Variants in KCNMA1 observed in about 807,000 individuals in gnomAD.
KCNMA1 encodes the protein Calcium-activated potassium channel subunit alpha-1.
Under a neutral mutation model 140.0 loss-of-function variants are expected in KCNMA1, and 29 were observed. The observed-to-expected ratio is 0.21, with a 90% CI of 0.15 to 0.28. KCNMA1 has a LOEUF of 0.28. Among genes scored for constraint, KCNMA1 ranks in the 10% least tolerant of loss-of-function variants. The pLI is 1.00. For synonymous variants in KCNMA1, 612 were observed against 611.9 expected (o/e 1.00, Z 0.00); for missense variants, 880 against 1,602.2 (o/e 0.55, Z 7.70).
At chr10:77,415,350 G>A (rs1001885156) in intron 1 of KCNMA1, among the ~76,000 whole-genome samples, 1 of 152,198 alleles carries the variant, frequency 6.6e-6, no homozygotes, top group Non-Finnish European at 1.5e-5. Flanking sequence ...TAGAGACTTT[G>A]AATTGGATTA....
At chr10:77,142,211 A>T (rs911258718) in intron 5 of KCNMA1, among the ~76,000 whole-genome samples, 1 of 150,432 alleles carries the variant, frequency 6.6e-6, no homozygotes, top group Non-Finnish European at 1.5e-5. Context: ...ACTAAAAAAT[A>T]CAAAAAAAAA....
At chr10:77,422,106 A>G (rs914256987) in intron 1 of KCNMA1, among the ~76,000 whole-genome samples, 10 of 152,156 alleles carry the variant, frequency 6.6e-5, no homozygotes, top group African/African-American at 2.2e-4. Context: ...TGCTGCCCAC[A>G]CTCATTTTGA....
At chr10:77,535,189 G>A (rs1002145078) in intron 1 of KCNMA1, among the ~76,000 whole-genome samples, 1 of 152,112 alleles carries the variant, frequency 6.6e-6, no homozygotes, top group African/African-American at 2.4e-5. Context: ...ATTCCAGAAG[G>A]ACGCTCTAAC....
intron 1 of KCNMA1, among the ~76,000 whole-genome samples, chr10:77,425,479 C>A (rs1258573021): frequency 1.3e-5 from 2 of 152,196 alleles, no homozygotes; most frequent in Admixed American, 1.3e-4. Flanking sequence ...GTAGCCCACA[C>A]TCTGTTGAAA....
chr10:77,627,971 A>T (rs2092732026), intron 1 of KCNMA1, among the ~76,000 whole-genome samples: 2 of 152,126 alleles, frequency 1.3e-5, no homozygotes. Flanking sequence ...ACTAATCTAC[A>T]AACCTGAAGC....
chr10:76,870,936 CTCTT>C (rs1281738063), exon 28 of KCNMA1: 1 of 152,362 alleles, frequency 6.6e-6, no homozygotes, highest in African/African-American at 2.4e-5. Context: ...GATCTTCCCT[CTCTT>C]TCTTAAAATT....
intron 1 of KCNMA1, among the ~76,000 whole-genome samples, chr10:77,575,423 C>T (rs1364552508): frequency 6.6e-6 from 1 of 152,162 alleles, no homozygotes; most frequent in East Asian, 1.9e-4. Flanking sequence ...ATTGCAATTC[C>T]ACCTGAGGCC....
chr10:77,630,135 G>T (rs191346554), intron 1 of KCNMA1, among the ~76,000 whole-genome samples: 1 of 152,264 alleles, frequency 6.6e-6, no homozygotes, highest in Non-Finnish European at 1.5e-5. Context: ...CCTCCATTTG[G>T]GAAGGCCCAC....
intron 5 of KCNMA1, among the ~76,000 whole-genome samples, chr10:77,166,181 A>G (rs2098639967): frequency 6.6e-6 from 1 of 152,190 alleles, no homozygotes; most frequent in Non-Finnish European, 1.5e-5. Context: ...AATAAATATA[A>G]ACAAACAAGA....
intron 3 of KCNMA1, chr10:77,217,610 T>G: frequency 2.3e-6 from 1 of 439,750 alleles, no homozygotes; most frequent in African/African-American, 2.0e-5. Flanking sequence ...CAGAACAAAG[T>G]GGAAAATGAG....
At chr10:77,186,991 T>C (rs2098868693) in intron 3 of KCNMA1, among the ~76,000 whole-genome samples, 1 of 152,068 alleles carries the variant, frequency 6.6e-6, no homozygotes, top group Non-Finnish European at 1.5e-5. Context: ...AAGACTATCA[T>C]GGAAAACTGA....
intron 1 of KCNMA1, among the ~76,000 whole-genome samples, chr10:77,555,919 T>C (rs2064205031): frequency 6.6e-6 from 1 of 152,210 alleles, no homozygotes. Context: ...TCTTTGATCG[T>C]CACTACCTGA....
intron 18 of KCNMA1, among the ~76,000 whole-genome samples, chr10:77,011,566 T>C (rs921609545): frequency 2.0e-5 from 3 of 152,202 alleles, no homozygotes; most frequent in Non-Finnish European, 4.4e-5. Context: ...TCCTCAGATT[T>C]AGTTTCTCTC....
chr10:77,627,239 A>G (rs1168621111), intron 1 of KCNMA1, among the ~76,000 whole-genome samples: 1 of 152,084 alleles, frequency 6.6e-6, no homozygotes, highest in African/African-American at 2.4e-5. Flanking sequence ...ATGGAATCCA[A>G]CTCGAGTTTC....
At position 76,914,930 on chromosome 10, in the gene KCNMA1, C is replaced by T. The variant is rs760003715; in HGVS notation, c.3016+6G>A. The T allele has an allele frequency of 1.3e-6, 2 of 1,592,740 alleles. No individual in the cohort carries two copies. Among genetic ancestry groups the T allele is most frequent in the Non-Finnish European group, 1.7e-6 (2 of 1,160,874 alleles). On this transcript the variant is annotated splice_donor_region_variant and intron_variant, in intron 24 of 27. Transcript: ENST00000286628. ...AACTCCCCCCAAAGCTGACATTGAC[C>T]CCTACCTAGTTCAGTGATGATGGGG...
Position 77,285,227 on chromosome 10 carries a change from A to G in KCNMA1, c.541-33971T>C, listed in dbSNP as rs150218779. On this transcript the variant is annotated intron_variant, in intron 2 of 27. Transcript: ENST00000286628. ...AAGCATACATTATCTCACAATACTT[A>G]TGCTAAATATGTAAGAAAATTTCTG... Among the ~76,000 whole-genome samples, 5 of 152,346 alleles carry G rather than the reference A, an allele frequency of 3.3e-5. No individual in the cohort carries two copies. In the East Asian group the frequency reaches 7.7e-4, roughly 24 times the overall value.
chr10:77,447,538 A>C (rs2097551011), intron 1 of KCNMA1, among the ~76,000 whole-genome samples: 1 of 152,232 alleles, frequency 6.6e-6, no homozygotes. Context: ...TTTCAGGCAC[A>C]CTCACAGCAG....
At chr10:76,888,930 G>A (rs1205578069) in intron 27 of KCNMA1, among the ~76,000 whole-genome samples, 5 of 152,014 alleles carry the variant, frequency 3.3e-5, no homozygotes, top group Non-Finnish European at 7.4e-5. Context: ...GTGGTGGTGT[G>A]TGCCTATAAT....
chr10:77,613,594 A>T (rs931294694), intron 1 of KCNMA1, among the ~76,000 whole-genome samples: 41 of 152,168 alleles, frequency 2.7e-4, no homozygotes, highest in Non-Finnish European at 5.7e-4. Flanking sequence ...ATTAGCAGTA[A>T]ACAGATGCCA....
Sources: gnomAD v4.1 joint callset for allele counts (sites outside exome capture counted in the v4.1 genomes callset) on GRCh38, gnomAD v4.1.1 for gene constraint, MANE v1.5 for transcripts, NCBI Gene and HGNC (gene_info 2026-07-23, HGNC 2026-07-21) for gene names.